Variants in SH3TC1 observed in about 807,000 individuals in gnomAD.
The protein encoded by SH3TC1 is SH3 domain and tetratricopeptide repeat-containing protein 1.
Under a neutral mutation model 117.3 loss-of-function variants are expected in SH3TC1, and 135 were observed. That is an observed-to-expected ratio of 1.15 (90% CI 1.00 to 1.33). The LOEUF is 1.33. Among genes scored for constraint, SH3TC1 ranks in the 40% most tolerant of loss-of-function variants. SH3TC1 has a pLI of 0.00. For synonymous variants in SH3TC1, 898 were observed against 816.9 expected (o/e 1.10, Z -1.69); for missense variants, 2,092 against 1,794.3 (o/e 1.17, Z -3.00).
At position 8,237,590 on chromosome 4, in the gene SH3TC1, C is replaced by T. The variant is rs772095847; in HGVS notation, c.3673C>T (p.Pro1225Ser). Reference sequence around the variant, plus strand: ...CAAGGCCCTGTCGCTCTGCAACTCGCCGCTGGAGTTTGACGAGGAGACCCT... The same window carrying T: ...CAAGGCCCTGTCGCTCTGCAACTCGTCGCTGGAGTTTGACGAGGAGACCCT... ...YLKALSLCNS[P>S]LEFDEETLYY... Residue 1225 changes from proline (P) to serine (S), a missense_variant, in exon 17 of 18, where the codon CCG (proline) becomes TCG (serine). By Grantham distance (74) the Pro-to-Ser change is moderately conservative. Coordinates refer to ENST00000245105, the MANE Select transcript of SH3TC1 (RefSeq NM_018986.5). 6.8e-6 allele frequency: 11 copies of T among 1,612,444 alleles called. No individual in the cohort carries two copies. Among genetic ancestry groups the T allele is most frequent in the Non-Finnish European group, 7.6e-6 (9 of 1,179,644 alleles).
chr4:8,212,802 A>C lies in SH3TC1; in HGVS notation c.349A>C (p.Ser117Arg). 3.7e-6 allele frequency: 6 copies of C among 1,602,210 alleles called. No homozygotes were observed. Among genetic ancestry groups the C allele is most frequent in the Non-Finnish European group, 5.1e-6 (6 of 1,174,780 alleles). Residue 117 changes from serine (S) to arginine (R), a missense_variant, in exon 4 of 18, where the codon AGC becomes CGC. By Grantham distance (110) the Ser-to-Arg change is moderately radical (BLOSUM62 -1). Transcript: ENST00000245105. Reference sequence around the variant, plus strand: ...CCAGCTCCGCCTGCTGGAGAATGATAGCCGGGAGATGGCCCGCGTGCTTGG... The same window carrying C: ...CCAGCTCCGCCTGCTGGAGAATGATCGCCGGGAGATGGCCCGCGTGCTTGG... ...RGQLRLLEND[S>R]REMARVLGEL...
chr4:8,221,456 T>C (rs555212355), intron 9 of SH3TC1, among the ~76,000 whole-genome samples: 68 of 152,338 alleles, frequency 4.5e-4, no homozygotes, highest in Admixed American at 2.6e-3. Flanking sequence ...TTTTTTTTTT[T>C]CTTTAACTTT....
At chr4:8,182,606 C>T (rs1054829273) in intron 1 of SH3TC1, among the ~76,000 whole-genome samples, 1 of 152,188 alleles carries the variant, frequency 6.6e-6, no homozygotes, top group African/African-American at 2.4e-5. Flanking sequence ...CAGCTTGCCA[C>T]TGAGTGATTC....
At chr4:8,199,686 C>T (rs1009059620) in intron 1 of SH3TC1, among the ~76,000 whole-genome samples, 2 of 152,134 alleles carry the variant, frequency 1.3e-5, no homozygotes, top group Non-Finnish European at 2.9e-5. Flanking sequence ...CTGGCCTGAC[C>T]CCGTGCTGGC....
intron 9 of SH3TC1, among the ~76,000 whole-genome samples, chr4:8,221,427 A>C (rs1177076329): frequency 6.6e-6 from 1 of 151,554 alleles, no homozygotes; most frequent in East Asian, 1.9e-4. Flanking sequence ...TTATTTAGTG[A>C]ACAACCTGGT....
In SH3TC1 at chr4:8,240,963, A is replaced by G. The variant is rs1217369202; in HGVS notation, c.*8A>G. ...CCCAGCCACCCTCGCTGAGGACAGC[A>G]TCCAAGGGAGTGGGTTTTGTGCAAG... On this transcript the variant is annotated 3_prime_UTR_variant, in exon 18 of 18. Transcript: ENST00000245105. The G allele has an allele frequency of 6.2e-7, 1 of 1,606,824 alleles. No individual in the cohort carries two copies. Among genetic ancestry groups the G allele is most frequent in the Non-Finnish European group, 8.5e-7 (1 of 1,179,246 alleles).
chr4:8,198,566 G>A (rs550156485), upstream of SH3TC1, among the ~76,000 whole-genome samples: 479 of 152,350 alleles, frequency 3.1e-3, 2 homozygotes, highest in Middle Eastern at 0.017. Context: ...TCAGCAGGCA[G>A]GGGCGAGATT....
At chr4:8,231,826 C>T in intron 12 of SH3TC1, 150 bp from the exon 13 acceptor site, 7 of 822,072 alleles carry the variant, frequency 8.5e-6, no homozygotes, top group Non-Finnish European at 9.4e-6. Context: ...AAGCTGTGCC[C>T]ATGTCACGGT....
Position 8,235,503 on chromosome 4 carries a change from A to G in SH3TC1, c.3353A>G (p.Asp1118Gly). Residue 1118 changes from aspartate to glycine, a missense_variant, in exon 15 of 18, where the codon GAC becomes GGC. Asp to Gly is a moderately conservative substitution (Grantham distance 94). Coordinates refer to ENST00000245105, the MANE Select transcript of SH3TC1 (RefSeq NM_018986.5). ...CTGGAGCTGTTTGAGGCGGCTGGAG[A>G]CATCTTCTTCGACGGGGCCTGGGAG... Reference protein sequence around the residue: ...LGLELFEAAGDIFFDGAWERE... With the variant: ...LGLELFEAAGGIFFDGAWERE... 1 of 1,606,730 alleles carries G rather than the reference A, an allele frequency of 6.2e-7. No individual in the cohort carries two copies. Among genetic ancestry groups the G allele is most frequent in the Non-Finnish European group, 8.5e-7 (1 of 1,175,752 alleles).
intron 12 of SH3TC1, chr4:8,231,429 A>G (rs1010460239): frequency 1.9e-5 from 3 of 156,168 alleles, no homozygotes; most frequent in African/African-American, 7.2e-5. Context: ...CATCTCCGGA[A>G]TGTTGCTGAC....
intron 5 of SH3TC1, chr4:8,215,056 G>A (rs1274804762): frequency 9.1e-6 from 4 of 439,658 alleles, no homozygotes; most frequent in African/African-American, 2.0e-5. Flanking sequence ...TGGTGCTCAG[G>A]GAGAAATGCC....
intron 17 of SH3TC1, among the ~76,000 whole-genome samples, chr4:8,239,371 G>A (rs760010236): frequency 1.8e-4 from 27 of 146,810 alleles, no homozygotes; most frequent in East Asian, 5.9e-4. Flanking sequence ...ACAGGCACAC[G>A]CACACACAGG....
At chr4:8,191,998 T>TATTTATTA (rs915461978) in intron 1 of SH3TC1, among the ~76,000 whole-genome samples, 2 of 110,736 alleles carry the variant, frequency 1.8e-5, no homozygotes, top group African/African-American at 3.2e-5. Context: ...TTTATTTATT[T>TATTTATTA]ATTATTTTTG....
chr4:8,205,587 T>C lies in SH3TC1; in HGVS notation c.172+221T>C. 1 of 788,876 alleles carries C rather than the reference T, an allele frequency of 1.3e-6. No individual in the cohort carries two copies. Among genetic ancestry groups the C allele is most frequent in the Non-Finnish European group, 2.3e-6 (1 of 439,352 alleles). The allele number at this position is 788,876 out of a possible 1,614,324, so 48.9% of individuals were successfully genotyped here. A position where few individuals can be genotyped will look rare whatever the true frequency, so the allele number is the denominator to read the frequency against. On this transcript the variant is annotated intron_variant, in intron 2 of 17. Coordinates refer to ENST00000245105, the MANE Select transcript of SH3TC1 (RefSeq NM_018986.5). This position sits in a 1 kb window ranked among gnomAD's most constrained non-coding sequence, Gnocchi z 5.4. ...TGAGAGGCCAGGGCCCAGCTCGTGTTTTTCCAGGGACGCGTCAGTGATAAC... is the reference window on the plus strand; with the variant it reads ...TGAGAGGCCAGGGCCCAGCTCGTGTCTTTCCAGGGACGCGTCAGTGATAAC...
At position 8,212,746 on chromosome 4, in the gene SH3TC1, G is replaced by C. The variant is rs372342036; in HGVS notation, c.293G>C (p.Arg98Pro). The C allele has an allele frequency of 1.9e-6, 3 of 1,612,748 alleles. No homozygotes were observed. Among genetic ancestry groups the C allele is most frequent in the East Asian group, 4.5e-5 (2 of 44,892 alleles). Residue 98 changes from arginine (R) to proline (P), a missense_variant, in exon 4 of 18, where the codon CGG (arginine) becomes CCG (proline). Arg to Pro is a moderately radical substitution (Grantham distance 103). Transcript: ENST00000245105. The part of the protein sequence containing the change: ...LLAVRRKSRL[R>P]DPGLQQTLRG... ...GCTGTGCGGAGGAAGAGCAGACTGC[G>C]GGACCCCGGCCTACAGCAGACCCTC...
chr4:8,212,136 T>C (rs1326332647), intron 3 of SH3TC1, among the ~76,000 whole-genome samples: 1 of 152,052 alleles, frequency 6.6e-6, no homozygotes, highest in African/African-American at 2.4e-5. Flanking sequence ...CTCTGCCCTC[T>C]GAGAGACAGG....
chr4:8,235,861 CA>C, intron 15 of SH3TC1: 1 of 380,830 alleles, frequency 2.6e-6, no homozygotes, highest in Non-Finnish European at 4.7e-6. Flanking sequence ...AGGGACACGT[CA>C]AAGGACACAC....
rs886083889 is a variant in SH3TC1, at chr4:8,183,245, C to G, written c.-57+1035C>G. On this transcript the variant is annotated intron_variant, in intron 1 of 16. Transcript: ENST00000508641. The surrounding 1 kb of genome is among the most constrained non-coding windows in gnomAD (Gnocchi z 5.4). ...GAAGGAGCCCGTCCTCATCCTCCCC[C>G]TCGTTTACAGAGGAAGGCCGGCGCT... 1.1e-4 allele frequency among the ~76,000 whole-genome samples: 17 copies of G among 152,228 alleles called. No individual in the cohort carries two copies. The highest frequency in any genetic ancestry group is 1.9e-4 in the Non-Finnish European group (13 of 68,028).
In SH3TC1 at chr4:8,236,404, G is replaced by GC. The variant is rs777781120; in HGVS notation, c.3535dup (p.Leu1179ProfsTer51). 6.6e-7 allele frequency: 1 copy of GC among 1,513,354 alleles called. No individual in the cohort carries two copies. The highest frequency in any genetic ancestry group is 8.9e-7 in the Non-Finnish European group (1 of 1,125,662). The allele number at this position is 1,513,354 out of a possible 1,614,324, so 93.7% of individuals were successfully genotyped here. On this transcript the variant is annotated frameshift_variant, in exon 16 of 18. Coordinates refer to ENST00000245105, the MANE Select transcript of SH3TC1 (RefSeq NM_018986.5). LOFTEE classifies it high-confidence loss of function. ...GGAGGGCTTGGAGTTTGCCCACATG[G>GC]CCCTAGCACTCAGCATCACCCTGGG...
Sources: gnomAD v4.1 joint callset for allele counts (sites outside exome capture counted in the v4.1 genomes callset) on GRCh38, gnomAD v4.1.1 for gene constraint, Gnocchi (gnomAD v3.1) non-coding constraint, MANE v1.5 for transcripts, NCBI Gene and HGNC (gene_info 2026-07-23, HGNC 2026-07-21) for gene names.